LARGE1: variants seen among roughly 807,000 people sequenced by gnomAD.
The protein encoded by LARGE1 is xylosyl- and glucuronyltransferase LARGE1.
In LARGE1, 43 loss-of-function variants were observed where a neutral mutation model predicts 87.6. That is an observed-to-expected ratio of 0.49 (90% confidence interval 0.38 to 0.63). LARGE1 has a LOEUF of 0.63. LARGE1 is among the 30% of genes least tolerant of loss of function. The probability of loss-of-function intolerance (pLI) is 0.00; values close to 1 mark genes in which losing one functional copy is unlikely to be tolerated. For missense variants in LARGE1, 802 were observed against 1,000.2 expected (o/e 0.80, Z 2.67); for synonymous variants, 434 against 394.6 (o/e 1.10, Z -1.18).
chr22:33,757,001 G>GA (rs2084538741), intron 2 of LARGE1, among the ~76,000 whole-genome samples: 1 of 152,176 alleles, frequency 6.6e-6, no homozygotes, highest in Non-Finnish European at 1.5e-5. Flanking sequence ...GTTAGAGAAA[G>GA]AAAGGTGGAC....
intron 4 of LARGE1, among the ~76,000 whole-genome samples, chr22:33,618,078 CG>C (rs754926265): frequency 9.2e-5 from 14 of 152,284 alleles, no homozygotes; most frequent in Non-Finnish European, 1.8e-4. Flanking sequence ...AAAGAAAGCG[CG>C]TGTGACAGCA....
intron 1 of LARGE1, among the ~76,000 whole-genome samples, chr22:33,826,399 A>T (rs1458571698): frequency 6.7e-6 from 1 of 149,962 alleles, no homozygotes; most frequent in African/African-American, 2.5e-5. Context: ...CTGGAGCACA[A>T]TGGCGCAATC....
intron 12 of LARGE1, among the ~76,000 whole-genome samples, chr22:33,286,636 T>C (rs1294910648): frequency 1.3e-5 from 2 of 152,200 alleles, no homozygotes; most frequent in African/African-American, 2.4e-5. Flanking sequence ...AGATTGCATT[T>C]GTAGCTGATT....
intron 1 of LARGE1, among the ~76,000 whole-genome samples, chr22:33,828,890 C>T (rs1270753894): frequency 6.6e-6 from 1 of 152,084 alleles, no homozygotes; most frequent in Non-Finnish European, 1.5e-5. Context: ...CGTGTACTTG[C>T]TATTCCCTCT....
intron 2 of LARGE1, among the ~76,000 whole-genome samples, chr22:33,759,544 G>A (rs2084648465): frequency 6.6e-6 from 1 of 152,122 alleles, no homozygotes; most frequent in Admixed American, 6.5e-5. Context: ...ATATGTAGAA[G>A]TCCTTATAAC....
intron 6 of LARGE1, among the ~76,000 whole-genome samples, chr22:33,558,915 T>C (rs2148746559): frequency 6.6e-6 from 1 of 152,092 alleles, no homozygotes; most frequent in South Asian, 2.1e-4. Flanking sequence ...CTGGCAGGAG[T>C]CCTTAGAGAA....
chr22:33,200,839 A>C (rs1924344424), intron 11 of LARGE1, among the ~76,000 whole-genome samples: 1 of 152,202 alleles, frequency 6.6e-6, no homozygotes, highest in Non-Finnish European at 1.5e-5. Context: ...TAGTGGGTTC[A>C]GGGATTCTTT....
Position 33,337,602 on chromosome 22 carries a change from C to A in LARGE1, c.1287+44G>T. The A allele has an allele frequency of 2.5e-6, 4 of 1,611,326 alleles. No individual in the cohort carries two copies. In the South Asian group the frequency reaches 4.4e-5, roughly 18 times the overall value. ...ATGGGGGAGGTCCTTGATGGATGAGCAGAGAAGCCGCCCCTTCCCTGCCCA... is the reference window on the plus strand; with the variant it reads ...ATGGGGGAGGTCCTTGATGGATGAGAAGAGAAGCCGCCCCTTCCCTGCCCA... On this transcript the variant is annotated intron_variant, in intron 10 of 14. Transcript: ENST00000397394.
At chr22:33,657,753 C>A (rs564329145) in intron 2 of LARGE1, among the ~76,000 whole-genome samples, 1 of 152,118 alleles carries the variant, frequency 6.6e-6, no homozygotes, top group South Asian at 2.1e-4. Context: ...ATTTCCACCA[C>A]GTTTGCAGTC....
chr22:33,103,640 G>A, the LARGE1 span, among the ~76,000 whole-genome samples: 1 of 152,056 alleles, frequency 6.6e-6, no homozygotes, highest in African/African-American at 2.4e-5. Context: ...GTGTCCTATA[G>A]GAGGTAAGAG....
At chr22:33,585,131 AAAAC>A (rs573953104) in intron 5 of LARGE1, among the ~76,000 whole-genome samples, 239 of 152,320 alleles carry the variant, frequency 1.6e-3, no homozygotes, top group Non-Finnish European at 3.0e-3. Flanking sequence ...AAAAACAAAC[AAAAC>A]AAACAAACAA....
At position 33,790,746 on chromosome 22, in the gene LARGE1, A is replaced by T. The variant is rs551831247; in HGVS notation, c.-82-29188T>A. Reference sequence around the variant, plus strand: ...TCCTACCTGTCACAAAGATTGAAAAACTCCGCATCCAGAGCATCTACTAAT... The same window carrying T: ...TCCTACCTGTCACAAAGATTGAAAATCTCCGCATCCAGAGCATCTACTAAT... On this transcript the variant is annotated intron_variant, in intron 1 of 14. Transcript: ENST00000397394. 1.3e-4 allele frequency among the ~76,000 whole-genome samples: 20 copies of T among 151,900 alleles called. No individual in the cohort carries two copies. In the East Asian group the frequency reaches 2.7e-3, roughly 21 times the overall value.
At chr22:33,584,077 G>T (rs1397785412) in intron 5 of LARGE1, among the ~76,000 whole-genome samples, 3 of 152,118 alleles carry the variant, frequency 2.0e-5, no homozygotes, top group East Asian at 3.8e-4. Flanking sequence ...AAAAAGAGAA[G>T]GAAGTGTCAG....
intron 1 of LARGE1, among the ~76,000 whole-genome samples, chr22:33,901,777 C>A (rs888788936): frequency 6.6e-6 from 1 of 152,204 alleles, no homozygotes; most frequent in African/African-American, 2.4e-5. Context: ...TATTCAGGCC[C>A]TCAACCTGAA....
chr22:33,159,354 C>T (rs961790582), downstream of LARGE1, among the ~76,000 whole-genome samples: 3 of 152,294 alleles, frequency 2.0e-5, no homozygotes, highest in Non-Finnish European at 2.9e-5. Context: ...GTACACTTTT[C>T]ATTCACATAT....
chr22:33,638,931 C>A (rs1395161881), intron 3 of LARGE1, among the ~76,000 whole-genome samples: 4 of 152,186 alleles, frequency 2.6e-5, no homozygotes, highest in African/African-American at 9.7e-5. Context: ...TCCATAATAA[C>A]AATATCCATT....
At chr22:33,888,638 C>T (rs994611734) in intron 1 of LARGE1, among the ~76,000 whole-genome samples, 17 of 152,134 alleles carry the variant, frequency 1.1e-4, no homozygotes, top group Non-Finnish European at 2.4e-4. Context: ...GGAGGATCAC[C>T]TGAGATCAGG....
chr22:33,196,276 AC>A (rs1924076629), intron 11 of LARGE1, among the ~76,000 whole-genome samples: 1 of 152,182 alleles, frequency 6.6e-6, no homozygotes, highest in Admixed American at 6.5e-5. Flanking sequence ...GCAATAGAAG[AC>A]AAAAGAGTAC....
intron 6 of LARGE1, among the ~76,000 whole-genome samples, chr22:33,449,596 T>A (rs1347057944): frequency 6.6e-6 from 1 of 152,252 alleles, no homozygotes; most frequent in Non-Finnish European, 1.5e-5. Context: ...GCTCCGTCTA[T>A]GGTGAGATTC....
Sources: gnomAD v4.1 joint callset for allele counts (sites outside exome capture counted in the v4.1 genomes callset) on GRCh38, gnomAD v4.1.1 for gene constraint, MANE v1.5 for transcripts, NCBI Gene and HGNC (gene_info 2026-07-23, HGNC 2026-07-21) for gene names.